The following SNX13 variants were observed in gnomAD, a reference collection of about 807,000 sequenced individuals.
SNX13 encodes the protein sorting nexin-13.
A neutral mutation model predicts 133.6 loss-of-function variants in SNX13; 45 were observed. The observed-to-expected ratio is 0.34, with a 90% CI of 0.27 to 0.43. The LOEUF is 0.43. Ranked by LOEUF, SNX13 falls within the 20% of genes least tolerant of loss-of-function variation. The probability of loss-of-function intolerance (pLI) is 1.00; values close to 1 mark genes in which losing one functional copy is unlikely to be tolerated. For synonymous variants in SNX13, 414 were observed against 373.9 expected (o/e 1.11, Z -1.24); for missense variants, 1,032 against 1,145.1 (o/e 0.90, Z 1.43).
chr7:17,836,625 T>G (rs930412743), intron 13 of SNX13, among the ~76,000 whole-genome samples: 1 of 152,140 alleles, frequency 6.6e-6, no homozygotes, highest in Non-Finnish European at 1.5e-5. Flanking sequence ...TTTACTTTTC[T>G]ATTACAGAAA....
At chr7:17,915,774 CTTAAG>C (rs1393622620) in intron 1 of SNX13, among the ~76,000 whole-genome samples, 4 of 152,158 alleles carry the variant, frequency 2.6e-5, no homozygotes, top group East Asian at 1.9e-4. Flanking sequence ...CCAAAAAATC[CTTAAG>C]TTAATTTGAC....
At position 17,805,250 on chromosome 7, in the gene SNX13, T is replaced by TGTGTGTGTGTGTGTGTGTGTGCGCGC; in HGVS notation, c.2065-1671_2065-1670insGCGCGCACACACACACACACACACAC. On this transcript the variant is annotated intron_variant, in intron 20 of 25. Transcript: ENST00000428135. ...GTGTGTGTGTGTGTGTGTGTGTGTG[T>TGTGTGTGTGTGTGTGTGTGTGCGCGC]GCGTGCGCGCGCGCGCATGCATGCA... 5.5e-4 allele frequency among the ~76,000 whole-genome samples: 53 copies of TGTGTGTGTGTGTGTGTGTGTGCGCGC among 95,560 alleles called. 2 individuals carry two copies. The highest frequency in any genetic ancestry group is 1.4e-3 in the African/African-American group (45 of 31,838). The allele number at this position is 95,560 out of a possible 152,430, so 62.7% of individuals were successfully genotyped here. A position where few individuals can be genotyped will look rare whatever the true frequency, so the allele number is the denominator to read the frequency against.
chr7:17,884,885 A>T (rs989214039), intron 5 of SNX13, among the ~76,000 whole-genome samples: 1 of 152,228 alleles, frequency 6.6e-6, no homozygotes. Flanking sequence ...GTGTTGGTCA[A>T]AGAGGAGCCT....
intron 1 of SNX13, among the ~76,000 whole-genome samples, chr7:17,937,722 T>C (rs1423187324): frequency 1.3e-5 from 2 of 152,080 alleles, no homozygotes; most frequent in East Asian, 1.9e-4. Flanking sequence ...AAGCACACAA[T>C]GTGGAATAAG....
intron 16 of SNX13, among the ~76,000 whole-genome samples, chr7:17,828,571 A>G (rs967452490): frequency 4.6e-5 from 7 of 151,628 alleles, no homozygotes; most frequent in Non-Finnish European, 7.4e-5. Flanking sequence ...ATCGTGATCT[A>G]GTTTACAATC....
At chr7:17,887,463 C>T (rs1446986464) in intron 5 of SNX13, among the ~76,000 whole-genome samples, 1 of 151,962 alleles carries the variant, frequency 6.6e-6, no homozygotes, top group Non-Finnish European at 1.5e-5. Context: ...GTTTCCTTCC[C>T]CAAGCTGGTA....
At chr7:17,920,016 GA>G (rs965326102) in intron 1 of SNX13, among the ~76,000 whole-genome samples, 11 of 151,324 alleles carry the variant, frequency 7.3e-5, no homozygotes, top group Admixed American at 2.0e-4. Flanking sequence ...ATTTTAAAAA[GA>G]AAAAAAAGTA....
Position 17,850,819 on chromosome 7 carries a change from T to C in SNX13, c.976+7A>G, listed in dbSNP as rs975470176. On this transcript the variant is annotated splice_region_variant and intron_variant, in intron 10 of 25. Transcript: ENST00000428135. ...AAAATATATCTTAAATTAAATACAT[T>C]ACTTACCATCACCAGCTGTATCTAG... 1.9e-6 allele frequency: 3 copies of C among 1,556,488 alleles called. No homozygotes were observed. The African/African-American group carries it at 4.2e-5, about 22-fold the overall frequency.
chr7:17,798,847 C>A (rs961751893), intron 23 of SNX13, 89 bp from the exon 24 acceptor site: 11 of 1,233,012 alleles, frequency 8.9e-6, no homozygotes, highest in Non-Finnish European at 1.2e-5. Context: ...GCAACTTAAT[C>A]TGGATGTAAA....
At chr7:17,921,237 C>T (rs966970555) in intron 1 of SNX13, among the ~76,000 whole-genome samples, 1 of 152,222 alleles carries the variant, frequency 6.6e-6, no homozygotes, top group Non-Finnish European at 1.5e-5. Flanking sequence ...CACTACAGGA[C>T]TGCTGGATGT....
chr7:17,887,680 C>A (rs912930385), intron 5 of SNX13, among the ~76,000 whole-genome samples: 4 of 152,184 alleles, frequency 2.6e-5, no homozygotes, highest in African/African-American at 9.6e-5. Context: ...GGACTCAAAA[C>A]ATACATTATT....
intron 8 of SNX13, among the ~76,000 whole-genome samples, chr7:17,870,444 G>C (rs888371002): frequency 2.0e-4 from 30 of 152,206 alleles, no homozygotes; most frequent in African/African-American, 7.2e-4. Flanking sequence ...TGCATGGTCT[G>C]CAATTATCCT....
At chr7:17,884,515 C>A (rs905156932) in intron 5 of SNX13, among the ~76,000 whole-genome samples, 1 of 152,168 alleles carries the variant, frequency 6.6e-6, no homozygotes, top group Admixed American at 6.5e-5. Context: ...CAGCCACTAT[C>A]TGGAAACAAA....
intron 21 of SNX13, among the ~76,000 whole-genome samples, chr7:17,802,056 A>G (rs962556431): frequency 5.9e-5 from 9 of 152,012 alleles, no homozygotes; most frequent in African/African-American, 2.2e-4. Flanking sequence ...TTCTGTGTCG[A>G]TATATTTAGA....
intron 1 of SNX13, among the ~76,000 whole-genome samples, chr7:17,908,922 T>C (rs150419181): frequency 6.6e-6 from 1 of 152,130 alleles, no homozygotes; most frequent in East Asian, 1.9e-4. Flanking sequence ...ACACCTAAGA[T>C]TAGTCTCCAA....
intron 9 of SNX13, among the ~76,000 whole-genome samples, chr7:17,864,710 A>C (rs1022511342): frequency 1.3e-5 from 2 of 152,104 alleles, no homozygotes; most frequent in Non-Finnish European, 2.9e-5. Flanking sequence ...AAGGCATGTA[A>C]ATCAAACTCT....
chr7:17,937,482 C>G (rs1185635088), intron 1 of SNX13, among the ~76,000 whole-genome samples: 1 of 142,672 alleles, frequency 7.0e-6, no homozygotes, highest in African/African-American at 2.6e-5. Flanking sequence ...CCACTGCACT[C>G]CAGCCTGGGC....
chr7:17,866,470 C>T (rs190960632), intron 9 of SNX13, among the ~76,000 whole-genome samples: 20 of 151,056 alleles, frequency 1.3e-4, no homozygotes, highest in African/African-American at 4.6e-4. Flanking sequence ...GGCTTTTAAC[C>T]AAAAGAAAGG....
chr7:17,847,967 G>T (rs940939714), intron 11 of SNX13, among the ~76,000 whole-genome samples: 4 of 152,036 alleles, frequency 2.6e-5, no homozygotes, highest in Admixed American at 2.6e-4. Flanking sequence ...GAAAAGGGTG[G>T]TCCCTGGCGA....
Sources: allele counts gnomAD v4.1 joint callset (sites outside exome capture counted in the v4.1 genomes callset), GRCh38; gene constraint gnomAD v4.1.1; transcripts MANE v1.5; gene names NCBI Gene and HGNC (gene_info 2026-07-23, HGNC 2026-07-21).